The following IL22RA2 variants were observed in gnomAD, a reference collection of about 807,000 sequenced individuals.
IL22RA2 encodes interleukin-22 receptor subunit alpha-2.
A neutral mutation model predicts 30.7 loss-of-function variants in IL22RA2; 39 were observed. That is an observed-to-expected ratio of 1.27 (90% CI 0.98 to 1.66). IL22RA2 has a LOEUF of 1.66. Among genes scored for constraint, IL22RA2 ranks in the 40% most tolerant of loss-of-function variants. The pLI is 0.00. For synonymous variants in IL22RA2, 103 were observed against 105.0 expected, an observed-to-expected ratio of 0.98 and a Z score of 0.11; for missense variants, 315 against 312.7, an observed-to-expected ratio of 1.01 and a Z score of -0.05.
chr6:137,172,842 G>A (rs1392772731), intron 1 of IL22RA2, among the ~76,000 whole-genome samples: 2 of 152,070 alleles, frequency 1.3e-5, no homozygotes, highest in South Asian at 2.1e-4. Context: ...TTGTTTTTAG[G>A]TGTGATGTGG....
intron 5 of IL22RA2, among the ~76,000 whole-genome samples, chr6:137,148,250 T>C (rs1778218792): frequency 6.6e-6 from 1 of 152,168 alleles, no homozygotes; most frequent in Non-Finnish European, 1.5e-5. Flanking sequence ...TGGTTGGTTT[T>C]GGGTTTTTTT....
At position 137,159,603 on chromosome 6, in the gene IL22RA2, G is replaced by A. The variant is rs536726249; in HGVS notation, c.62-1121C>T. On this transcript the variant is annotated intron_variant, in intron 2 of 6. Coordinates refer to ENST00000296980, the MANE Select transcript of IL22RA2 (RefSeq NM_052962.3). Reference sequence around the variant, plus strand: ...CTCCCAAAGTGCTGGGATTACAGGCGTGAGCCACTGCACCCGGCCAGGAAG... The same window carrying A: ...CTCCCAAAGTGCTGGGATTACAGGCATGAGCCACTGCACCCGGCCAGGAAG... Among the ~76,000 whole-genome samples, 265 of 152,246 alleles carry A rather than the reference G, an allele frequency of 1.7e-3. 1 individual carries two copies. Among genetic ancestry groups the A allele is most frequent in the African/African-American group, 5.9e-3 (245 of 41,526 alleles).
intron 1 of IL22RA2, among the ~76,000 whole-genome samples, chr6:137,168,940 CT>C (rs1234223783): frequency 6.6e-6 from 1 of 152,208 alleles, no homozygotes; most frequent in Middle Eastern, 3.2e-3. Flanking sequence ...CCTATATCAA[CT>C]GAAAATCTGT....
intron 1 of IL22RA2, among the ~76,000 whole-genome samples, chr6:137,172,089 G>A (rs1039661802): frequency 6.6e-6 from 1 of 152,138 alleles, no homozygotes; most frequent in Non-Finnish European, 1.5e-5. Context: ...ATTTAAATGG[G>A]GGATGATAAT....
At chr6:137,172,966 G>A (rs974700525) in intron 1 of IL22RA2, among the ~76,000 whole-genome samples, 4 of 152,050 alleles carry the variant, frequency 2.6e-5, no homozygotes, top group African/African-American at 9.7e-5. Flanking sequence ...GGGAAAGGGG[G>A]TTACCATCCA....
At position 137,145,521 on chromosome 6, in the gene IL22RA2, A is replaced by G; in HGVS notation, c.*103T>C. 2 of 1,096,578 alleles carry G rather than the reference A, an allele frequency of 1.8e-6. No individual in the cohort carries two copies. The highest frequency in any genetic ancestry group is 2.5e-6 in the Non-Finnish European group (2 of 784,738). 67.9% of individuals were successfully genotyped at this position (1,096,578 alleles called of 1,614,324 possible). A position where few individuals can be genotyped will look rare whatever the true frequency, so the allele number is the denominator to read the frequency against. ...AGGTGTAACAGTGAATATTGCTTTA[A>G]GAAAATACAAAAACAATTTTAAATA... On this transcript the variant is annotated 3_prime_UTR_variant, in exon 7 of 7. Coordinates refer to ENST00000296980, the MANE Select transcript of IL22RA2 (RefSeq NM_052962.3).
chr6:137,161,546 C>A, intron 2 of IL22RA2, 143 bp downstream of exon 2: 1 of 667,606 alleles, frequency 1.5e-6, no homozygotes, highest in Non-Finnish European at 2.7e-6. Flanking sequence ...GACACTAACC[C>A]CATGCCTGCT....
Position 137,155,058 on chromosome 6 carries a change from C to A in IL22RA2, c.355G>T (p.Asp119Tyr), listed in dbSNP as rs745708319. ...ATGTCTGAGGTTTCACTGGTAAGGTCACAAGAGAGTTCTTGAGTACCCCAA... is the reference window on the plus strand; with the variant it reads ...ATGTCTGAGGTTTCACTGGTAAGGTAACAAGAGAGTTCTTGAGTACCCCAA... ...DCWGTQELSC[D>Y]LTSETSDIQE... Residue 119 changes from aspartate (D) to tyrosine (Y), a missense_variant, in exon 5 of 7, where the codon GAC (aspartate) becomes TAC (tyrosine). Transcript: ENST00000296980. 5 of 1,613,520 alleles carry A rather than the reference C, an allele frequency of 3.1e-6. No homozygotes were observed. The highest frequency in any genetic ancestry group is 4.2e-6 in the Non-Finnish European group (5 of 1,179,646).
chr6:137,145,895 C>T, intron 6 of IL22RA2, 122 bp from the exon 7 acceptor site: 1 of 972,874 alleles, frequency 1.0e-6, no homozygotes, highest in Non-Finnish European at 1.6e-6. Context: ...GGGTTTCTTC[C>T]CAGACACATC....
chr6:137,152,682 T>C (rs1271891842), intron 5 of IL22RA2, among the ~76,000 whole-genome samples: 1 of 152,252 alleles, frequency 6.6e-6, no homozygotes, highest in African/African-American at 2.4e-5. Context: ...TTAAACTGTA[T>C]GCTATATGCT....
intron 5 of IL22RA2, among the ~76,000 whole-genome samples, chr6:137,151,945 A>G (rs1253956288): frequency 6.6e-6 from 1 of 152,248 alleles, no homozygotes; most frequent in African/African-American, 2.4e-5. Context: ...GGAATGTAAA[A>G]TAGTGCAGAT....
At position 137,154,985 on chromosome 6, in the gene IL22RA2, T is replaced by G. The variant is rs1778370226; in HGVS notation, c.428A>C (p.Tyr143Ser). The G allele has an allele frequency of 6.2e-7, 1 of 1,613,928 alleles. No individual in the cohort carries two copies. The highest frequency in any genetic ancestry group is 8.5e-7 in the Non-Finnish European group (1 of 1,179,966). Residue 143 changes from tyrosine to serine, a missense_variant, in exon 5 of 7, where the codon TAC (tyrosine) becomes TCC (serine). Tyr to Ser is a moderately radical substitution (Grantham distance 144). Transcript: ENST00000296980. ...CCGCGGCGTCATGCTCCATTCTGAGTAGCTCCCAGCCGAGGCCGCCCTCAC... is the reference window on the plus strand; with the variant it reads ...CCGCGGCGTCATGCTCCATTCTGAGGAGCTCCCAGCCGAGGCCGCCCTCAC... ...GRVRAASAGSYSEWSMTPRFT... is the reference protein window; with the variant it reads ...GRVRAASAGSSSEWSMTPRFT...
chr6:137,145,503 A>G lies in IL22RA2; in HGVS notation c.*121T>C. 1.2e-6 allele frequency: 1 copy of G among 804,392 alleles called. No individual in the cohort carries two copies. Among genetic ancestry groups the G allele is most frequent in the Non-Finnish European group, 1.9e-6 (1 of 529,762 alleles). The allele number at this position is 804,392 out of a possible 1,614,324, so 49.8% of individuals were successfully genotyped here. Reference sequence around the variant, plus strand: ...TAAACAAAGAAGTCCCCAAGGTGTAACAGTGAATATTGCTTTAAGAAAATA... The same window carrying G: ...TAAACAAAGAAGTCCCCAAGGTGTAGCAGTGAATATTGCTTTAAGAAAATA... On this transcript the variant is annotated 3_prime_UTR_variant, in exon 7 of 7. Coordinates refer to ENST00000296980, the MANE Select transcript of IL22RA2 (RefSeq NM_052962.3).
chr6:137,147,549 T>C (rs1778206286), intron 6 of IL22RA2, among the ~76,000 whole-genome samples, 173 bp downstream of exon 6: 1 of 152,122 alleles, frequency 6.6e-6, no homozygotes, highest in African/African-American at 2.4e-5. Flanking sequence ...CACATTCTGA[T>C]GGTGATGCCA....
At chr6:137,164,090 G>T (rs1778580337) in intron 1 of IL22RA2, among the ~76,000 whole-genome samples, 1 of 152,202 alleles carries the variant, frequency 6.6e-6, no homozygotes. Flanking sequence ...TGCATCACAA[G>T]GGAGGAAACA....
chr6:137,157,446 C>T (rs28362852), intron 3 of IL22RA2, among the ~76,000 whole-genome samples: 6,459 of 149,892 alleles, frequency 0.043, 163 homozygotes, highest in Middle Eastern at 0.086. Flanking sequence ...GAAGTCGTAG[C>T]GGTTAAAGAT....
chr6:137,158,275 C>T, intron 3 of IL22RA2, 72 bp downstream of exon 3: 1 of 1,562,466 alleles, frequency 6.4e-7, no homozygotes. Context: ...CGGATCCTAA[C>T]ACTCCATTGC....
At position 137,155,029 on chromosome 6, in the gene IL22RA2, C is replaced by T. The variant is rs780239388; in HGVS notation, c.384G>A (p.Gln128=). ...CCCTCACCCTCCCGTAATAAGGTTC[C>T]TGTATGTCTGAGGTTTCACTGGTAA... ...CDLTSETSDI[Q]EPYYGRVRAA... The change falls in exon 5 of 7, where the codon CAG becomes CAA. Residue 128 remains glutamine, a synonymous_variant. Coordinates refer to ENST00000296980, the MANE Select transcript of IL22RA2 (RefSeq NM_052962.3). 6.2e-7 allele frequency: 1 copy of T among 1,613,976 alleles called. No individual in the cohort carries two copies. The highest frequency in any genetic ancestry group is 1.7e-5 in the Admixed American group (1 of 60,016).
At position 137,149,383 on chromosome 6, in the gene IL22RA2, T is replaced by C. The variant is rs554836696; in HGVS notation, c.473-1492A>G. Among the ~76,000 whole-genome samples, 25 of 152,316 alleles carry C rather than the reference T, an allele frequency of 1.6e-4. No individual in the cohort carries two copies. The South Asian group carries it at 5.0e-3, about 30-fold the overall frequency. On this transcript the variant is annotated intron_variant, in intron 5 of 6. Coordinates refer to ENST00000296980, the MANE Select transcript of IL22RA2 (RefSeq NM_052962.3). ...ACCAAACTCATAATCTCTATTACCT[T>C]GCATCCCACCAAACTGGTCTTTTTC...
Sources: allele counts gnomAD v4.1 joint callset (sites outside exome capture counted in the v4.1 genomes callset), GRCh38; gene constraint gnomAD v4.1.1; transcripts MANE v1.5; gene names NCBI Gene and HGNC (gene_info 2026-07-23, HGNC 2026-07-21).